SLC24A3: variants seen among roughly 807,000 people sequenced by gnomAD.
SLC24A3 encodes the protein solute carrier family 24 member 3.
A neutral mutation model predicts 75.8 loss-of-function variants in SLC24A3; 28 were observed. The observed-to-expected ratio is 0.37, with a 90% CI of 0.27 to 0.51. SLC24A3 has a LOEUF of 0.51. SLC24A3 is among the 20% of genes least tolerant of loss of function. SLC24A3 has a pLI of 0.94. For synonymous variants in SLC24A3, 372 were observed against 334.1 expected (o/e 1.11, Z -1.24); for missense variants, 663 against 847.8 (o/e 0.78, Z 2.71).
rs151124279 is a variant in SLC24A3 at position 19,719,580 on chromosome 20, T to TGTGAA, written c.1786-1408_1786-1404dup. Among the ~76,000 whole-genome samples, 670 of 150,796 alleles carry TGTGAA rather than the reference T, an allele frequency of 4.4e-3. 6 individuals carry two copies. Among genetic ancestry groups the TGTGAA allele is most frequent in the African/African-American group, 0.016 (642 of 41,022 alleles). ...CGGAGATTGGAAGAAAGGGGAGAGG[T>TGTGAA]GTGAAGTAGCCGTCTGGGGAAGGGA... On this transcript the variant is annotated intron_variant, in intron 16 of 16. Coordinates refer to ENST00000328041, the MANE Select transcript of SLC24A3 (RefSeq NM_020689.4).
chr20:19,464,165 C>G (rs995141385), intron 2 of SLC24A3, among the ~76,000 whole-genome samples: 3 of 152,256 alleles, frequency 2.0e-5, no homozygotes, highest in Non-Finnish European at 4.4e-5. Context: ...CTCGCCAACA[C>G]TGGCTGCCAG....
At chr20:19,259,471 T>A (rs896741702) in intron 1 of SLC24A3, among the ~76,000 whole-genome samples, 3 of 152,166 alleles carry the variant, frequency 2.0e-5, no homozygotes, top group Non-Finnish European at 4.4e-5. Flanking sequence ...GTAGAAACAG[T>A]CTCAGAAGTG....
intron 3 of SLC24A3, among the ~76,000 whole-genome samples, chr20:19,568,497 T>C (rs574645845): frequency 6.6e-6 from 1 of 152,276 alleles, no homozygotes; most frequent in East Asian, 1.9e-4. Context: ...CTAAGTGAAA[T>C]AAGCCTGTCC....
intron 15 of SLC24A3, among the ~76,000 whole-genome samples, chr20:19,713,041 G>T (rs557826840): frequency 1.3e-5 from 2 of 152,218 alleles, no homozygotes; most frequent in Non-Finnish European, 2.9e-5. Flanking sequence ...AGTTACATGG[G>T]TGTATGCATT....
intron 9 of SLC24A3, among the ~76,000 whole-genome samples, chr20:19,679,399 A>G (rs542567475): frequency 6.6e-6 from 1 of 152,382 alleles, no homozygotes; most frequent in African/African-American, 2.4e-5. Flanking sequence ...GGCACTCCGC[A>G]GGCTGAGGCA....
intron 2 of SLC24A3, among the ~76,000 whole-genome samples, chr20:19,443,969 G>A (rs1339316255): frequency 6.6e-6 from 1 of 152,154 alleles, no homozygotes; most frequent in Admixed American, 6.5e-5. Flanking sequence ...TAATGTTACC[G>A]TAGGCTTTTG....
At chr20:19,583,449 G>A (rs1000028680) in intron 4 of SLC24A3, among the ~76,000 whole-genome samples, 3 of 152,144 alleles carry the variant, frequency 2.0e-5, no homozygotes, top group African/African-American at 7.2e-5. Context: ...AGGGAGCTGG[G>A]GAGGGCTTTT....
chr20:19,592,572 T>A (rs1220754768), intron 6 of SLC24A3, among the ~76,000 whole-genome samples: 3 of 152,128 alleles, frequency 2.0e-5, no homozygotes, highest in Admixed American at 2.0e-4. Flanking sequence ...CCTGGATGTA[T>A]CTGAGATGCA....
intron 3 of SLC24A3, among the ~76,000 whole-genome samples, chr20:19,578,324 T>C (rs1324588584): frequency 6.6e-6 from 1 of 151,728 alleles, no homozygotes; most frequent in East Asian, 1.9e-4. Flanking sequence ...ACTTTTCGTG[T>C]ATGCATGCGT....
chr20:19,467,273 T>A (rs180707748), intron 2 of SLC24A3, among the ~76,000 whole-genome samples: 2 of 152,228 alleles, frequency 1.3e-5, no homozygotes, highest in South Asian at 4.1e-4. Context: ...TGAAAGAGAA[T>A]GTGCTGGTGA....
intron 2 of SLC24A3, among the ~76,000 whole-genome samples, chr20:19,331,886 G>A (rs1048995203): frequency 1.3e-5 from 2 of 152,180 alleles, no homozygotes; most frequent in African/African-American, 4.8e-5. Context: ...GATGGGAGGC[G>A]TCCTTTGGAT....
At chr20:19,663,731 A>G (rs1228918755) in intron 7 of SLC24A3, among the ~76,000 whole-genome samples, 2 of 151,702 alleles carry the variant, frequency 1.3e-5, no homozygotes, top group Admixed American at 1.3e-4. Flanking sequence ...TCTGGACCTA[A>G]TTGCATATTT....
At chr20:19,316,446 G>A (rs1448474456) in intron 2 of SLC24A3, among the ~76,000 whole-genome samples, 1 of 152,214 alleles carries the variant, frequency 6.6e-6, no homozygotes, top group Non-Finnish European at 1.5e-5. Flanking sequence ...TCCACCTCCG[G>A]GGGAGCAAGT....
chr20:19,624,710 A>C (rs562573734), intron 6 of SLC24A3, among the ~76,000 whole-genome samples: 1 of 152,178 alleles, frequency 6.6e-6, no homozygotes, highest in Non-Finnish European at 1.5e-5. Context: ...AAAATTATAT[A>C]GTTACTGAAA....
At position 19,287,486 on chromosome 20, in the gene SLC24A3, C is replaced by G. The variant is rs565867337; in HGVS notation, c.271+6399C>G. ...ACATTAATTTCCCCCAAACTTGTTTCTTCTGAAAAAGCAAATTTCCCAATT... is the reference window on the plus strand; with the variant it reads ...ACATTAATTTCCCCCAAACTTGTTTGTTCTGAAAAAGCAAATTTCCCAATT... On this transcript the variant is annotated intron_variant, in intron 2 of 16. Transcript: ENST00000328041. Among the ~76,000 whole-genome samples the G allele has an allele frequency of 6.6e-5, 10 of 152,326 alleles. No homozygotes were observed. In the South Asian group the frequency reaches 2.1e-3, roughly 32 times the overall value.
intron 12 of SLC24A3, 190 bp from the exon 13 acceptor site, chr20:19,693,069 C>T: frequency 7.1e-6 from 4 of 562,312 alleles, no homozygotes; most frequent in Non-Finnish European, 8.7e-6. Context: ...TTTTTTAATT[C>T]TGTTTGGTGT....
chr20:19,626,677 T>C (rs139282003), intron 6 of SLC24A3, among the ~76,000 whole-genome samples: 110 of 152,300 alleles, frequency 7.2e-4, no homozygotes, highest in African/African-American at 2.6e-3. Flanking sequence ...CTGAAAAATA[T>C]AAAATAACTC....
At chr20:19,579,638 C>A (rs1386750811) in intron 3 of SLC24A3, among the ~76,000 whole-genome samples, 1 of 152,018 alleles carries the variant, frequency 6.6e-6, no homozygotes, top group Admixed American at 6.6e-5. Flanking sequence ...GAAATGGGAG[C>A]GGGGGAAAGA....
chr20:19,514,014 G>A (rs1437211613), intron 2 of SLC24A3, among the ~76,000 whole-genome samples: 1 of 152,200 alleles, frequency 6.6e-6, no homozygotes, highest in Admixed American at 6.5e-5. Flanking sequence ...TGGAAGGTGA[G>A]CCTTGCTTTA....
Sources: gnomAD v4.1 joint callset for allele counts (sites outside exome capture counted in the v4.1 genomes callset) on GRCh38, gnomAD v4.1.1 for gene constraint, MANE v1.5 for transcripts, NCBI Gene and HGNC (gene_info 2026-07-23, HGNC 2026-07-21) for gene names.